KCNAB1: variants seen among roughly 807,000 people sequenced by gnomAD.
KCNAB1 encodes voltage-gated potassium channel subunit beta-1.
Under a neutral mutation model 64.6 loss-of-function variants are expected in KCNAB1, and 35 were observed. The observed-to-expected ratio is 0.54, with a 90% CI of 0.41 to 0.72. The LOEUF (loss-of-function observed/expected upper bound fraction) is 0.72. Ranked by LOEUF, KCNAB1 falls within the 30% of genes least tolerant of loss-of-function variation. The pLI is 0.00. For missense variants in KCNAB1, 401 were observed against 512.9 expected, an observed-to-expected ratio of 0.78 and a Z score of 2.11; for synonymous variants, 177 against 183.8, an observed-to-expected ratio of 0.96 and a Z score of 0.30.
intron 1 of KCNAB1, among the ~76,000 whole-genome samples, chr3:156,361,242 C>G (rs1270965243): frequency 6.6e-6 from 1 of 152,130 alleles, no homozygotes; most frequent in Non-Finnish European, 1.5e-5. Flanking sequence ...AGCGCCTTTG[C>G]ACTTGCTACT....
chr3:156,251,588 C>T (rs1387667277), intron 1 of KCNAB1, among the ~76,000 whole-genome samples: 1 of 152,072 alleles, frequency 6.6e-6, no homozygotes, highest in Admixed American at 6.6e-5. Context: ...CTCATTTGGT[C>T]ACATTCCTGG....
At chr3:156,420,393 G>A (rs1416562374) in intron 1 of KCNAB1, among the ~76,000 whole-genome samples, 1 of 152,168 alleles carries the variant, frequency 6.6e-6, no homozygotes, top group Non-Finnish European at 1.5e-5. Flanking sequence ...TTTTTATTAT[G>A]TTGTGCAATT....
intron 1 of KCNAB1, among the ~76,000 whole-genome samples, chr3:156,420,598 C>T (rs1467399467): frequency 6.6e-6 from 1 of 152,160 alleles, no homozygotes; most frequent in East Asian, 1.9e-4. Context: ...GGTGTGGGAG[C>T]AAGAAGGGAA....
chr3:156,503,266 G>A (rs899207108), intron 8 of KCNAB1, among the ~76,000 whole-genome samples: 1 of 152,190 alleles, frequency 6.6e-6, no homozygotes, highest in African/African-American at 2.4e-5. Context: ...CATGTCAGCA[G>A]GCAGTGGTAA....
At chr3:156,296,505 G>A (rs1168025082) in intron 1 of KCNAB1, among the ~76,000 whole-genome samples, 3 of 122,356 alleles carry the variant, frequency 2.5e-5, no homozygotes, top group East Asian at 2.3e-4. Context: ...ATGGAGTCTC[G>A]CTCTGTAGCG....
intron 1 of KCNAB1, among the ~76,000 whole-genome samples, chr3:156,204,480 C>G (rs1405505575): frequency 1.3e-5 from 2 of 152,206 alleles, no homozygotes; most frequent in Non-Finnish European, 2.9e-5. Flanking sequence ...AGAAGAGACA[C>G]TTCCCTCTGT....
At chr3:156,431,440 G>T (rs1716204294) in intron 2 of KCNAB1, among the ~76,000 whole-genome samples, 1 of 152,208 alleles carries the variant, frequency 6.6e-6, no homozygotes, top group South Asian at 2.1e-4. Context: ...GAGTGGGGCT[G>T]TGCTGTGTCT....
chr3:156,424,019 A>G (rs1436735610), intron 2 of KCNAB1, among the ~76,000 whole-genome samples: 2 of 152,206 alleles, frequency 1.3e-5, no homozygotes, highest in Admixed American at 6.5e-5. Context: ...TGTTAGTGAC[A>G]TAGTCTATGG....
intron 2 of KCNAB1, among the ~76,000 whole-genome samples, chr3:156,436,003 C>T (rs578210804): frequency 2.0e-5 from 3 of 152,164 alleles, no homozygotes; most frequent in South Asian, 2.1e-4. Context: ...TTTGCTGAAC[C>T]TGTCAACTCA....
chr3:156,155,290 G>T (rs1321372161), intron 1 of KCNAB1, among the ~76,000 whole-genome samples: 1 of 152,140 alleles, frequency 6.6e-6, no homozygotes, highest in African/African-American at 2.4e-5. Context: ...ACAATTCCAG[G>T]CATTGGAGAT....
chr3:156,402,632 C>T (rs1713985863), intron 1 of KCNAB1, among the ~76,000 whole-genome samples: 2 of 152,128 alleles, frequency 1.3e-5, no homozygotes, highest in South Asian at 4.1e-4. Flanking sequence ...GCTGGGATTT[C>T]CTTATCTGAG....
In KCNAB1 at chr3:156,161,182, C is replaced by T. The variant is rs1307492646; in HGVS notation, c.275+40296C>T. On this transcript the variant is annotated intron_variant, in intron 1 of 13. Coordinates refer to ENST00000490337, the MANE Select transcript of KCNAB1 (RefSeq NM_172160.3). ...CTTTTAAGCAGCACAAAACTTTCCT[C>T]CAAGGCTGTCTGTGTCTGCCCTTTA... 3.9e-5 allele frequency among the ~76,000 whole-genome samples: 6 copies of T among 152,184 alleles called. No homozygotes were observed. The East Asian group carries it at 7.7e-4, about 20-fold the overall frequency.
At chr3:156,480,684 T>C (rs1210268540) in intron 8 of KCNAB1, among the ~76,000 whole-genome samples, 2 of 152,134 alleles carry the variant, frequency 1.3e-5, no homozygotes, top group South Asian at 2.1e-4. Context: ...TTTTCCCTAC[T>C]AAGTCTTTGA....
intron 1 of KCNAB1, chr3:156,143,569 G>GTTTTTTTTTTTTTTTTTTTTTTTTTTTTT (rs56216211): frequency 1.4e-5 from 4 of 281,610 alleles, no homozygotes; most frequent in African/African-American, 8.8e-5. Context: ...TTGCATTCTT[G>GTTTTTTTTTTTTTTTTTTTTTTTTTTTTT]TTTTTTTTTT....
At chr3:156,325,058 A>C (rs970987906) in intron 1 of KCNAB1, among the ~76,000 whole-genome samples, 4 of 152,116 alleles carry the variant, frequency 2.6e-5, no homozygotes, top group African/African-American at 9.7e-5. Flanking sequence ...ACTTTCATTT[A>C]TGGAGGGTTT....
chr3:156,157,267 C>G (rs1012417941), intron 1 of KCNAB1, among the ~76,000 whole-genome samples: 5 of 152,142 alleles, frequency 3.3e-5, no homozygotes, highest in Admixed American at 6.5e-5. Flanking sequence ...TTCTGAACTC[C>G]TACTTAACAG....
chr3:156,168,577 A>G (rs1333149291), intron 1 of KCNAB1, among the ~76,000 whole-genome samples: 1 of 152,206 alleles, frequency 6.6e-6, no homozygotes, highest in African/African-American at 2.4e-5. Flanking sequence ...TCATTCAACA[A>G]GTGAATATAA....
rs370851535 is a variant in KCNAB1, at chr3:156,132,636, A to C, written c.275+11750A>C. 7.9e-5 allele frequency among the ~76,000 whole-genome samples: 12 copies of C among 152,314 alleles called. No homozygotes were observed. The East Asian group carries it at 2.1e-3, about 27-fold the overall frequency. ...CACATGGAAACAAGGGTCAGGGAGCACTTGTGGAGAGCCAGGAGAGCTCAC... is the reference window on the plus strand; with the variant it reads ...CACATGGAAACAAGGGTCAGGGAGCCCTTGTGGAGAGCCAGGAGAGCTCAC... On this transcript the variant is annotated intron_variant, in intron 1 of 13. Coordinates refer to ENST00000490337, the MANE Select transcript of KCNAB1 (RefSeq NM_172160.3).
At chr3:156,429,454 TTGCCTTATGCCC>T (rs1716058979) in intron 2 of KCNAB1, among the ~76,000 whole-genome samples, 1 of 152,222 alleles carries the variant, frequency 6.6e-6, no homozygotes, top group South Asian at 2.1e-4. Context: ...GGTGCCAGTC[TTGCCTTATGCCC>T]CTCCCTAACC....
Sources: allele counts gnomAD v4.1 joint callset (sites outside exome capture counted in the v4.1 genomes callset), GRCh38; gene constraint gnomAD v4.1.1; transcripts MANE v1.5; gene names NCBI Gene and HGNC (gene_info 2026-07-23, HGNC 2026-07-21).